The following JADE3 variants were observed in gnomAD, a reference collection of about 807,000 sequenced individuals.
JADE3 encodes jade family PHD finger 3, also known as protein Jade-3.
JADE3 carries 2 observed loss-of-function variants against 50.1 expected under a neutral mutation model. The ratio of observed to expected loss-of-function variants is 0.04; its 90% CI spans 0.02 to 0.13. The LOEUF (loss-of-function observed/expected upper bound fraction) is 0.13, where lower values mean the gene tolerates loss of function less well. Among genes scored for constraint, JADE3 ranks in the 10% least tolerant of loss-of-function variants. The pLI, the probability that JADE3 is intolerant of heterozygous loss-of-function variation, is 1.00. For missense variants in JADE3, 475 were observed against 634.4 expected (o/e 0.75, Z 2.70); for synonymous variants, 218 against 232.9 (o/e 0.94, Z 0.58).
At chrX:46,998,629 T>C (rs1602401551) in intron 4 of JADE3, among the ~76,000 whole-genome samples, 1 of 111,189 alleles carries the variant, frequency 9.0e-6, no homozygotes, top group East Asian at 2.8e-4. Context: ...ATAATGCCTG[T>C]CTTAGTCTGT....
At chrX:47,014,642 G>C (rs187212175) in intron 4 of JADE3, among the ~76,000 whole-genome samples, 8 of 111,383 alleles carry the variant, frequency 7.2e-5, no homozygotes, top group Non-Finnish European at 1.3e-4. Flanking sequence ...ATTTATTTTT[G>C]TGTAAATTTT....
chrX:47,037,960 C>T (rs1275338053), intron 7 of JADE3, among the ~76,000 whole-genome samples: 1 of 111,171 alleles, frequency 9.0e-6, no homozygotes, highest in Non-Finnish European at 1.9e-5. Flanking sequence ...CCTTCCCACC[C>T]TCTGGTAACC....
chrX:47,050,663 A>G (rs782105418), intron 8 of JADE3, among the ~76,000 whole-genome samples: 1 of 111,860 alleles, frequency 8.9e-6, no homozygotes, highest in Admixed American at 9.5e-5. Context: ...ATTATCTTTT[A>G]TTTTGAGTAA....
intron 3 of JADE3, among the ~76,000 whole-genome samples, chrX:46,992,012 G>C (rs920143852): frequency 1.8e-5 from 2 of 110,879 alleles, no homozygotes; most frequent in Non-Finnish European, 3.8e-5. Context: ...ACTGCCCCCT[G>C]TTCCCTCATT....
intron 1 of JADE3, among the ~76,000 whole-genome samples, chrX:46,920,026 G>A (rs945696034): frequency 3.6e-5 from 4 of 110,914 alleles, no homozygotes; most frequent in Non-Finnish European, 7.5e-5. Context: ...TTTGGAACAC[G>A]CATGACCAAG....
At chrX:47,040,899 C>T (rs1273196755) in intron 8 of JADE3, among the ~76,000 whole-genome samples, 2 of 111,996 alleles carry the variant, frequency 1.8e-5, no homozygotes, top group African/African-American at 6.5e-5. Flanking sequence ...CAATCTGGAC[C>T]CCCAAAGGCC....
At chrX:47,050,909 C>T (rs1929490422) in intron 8 of JADE3, among the ~76,000 whole-genome samples, 1 of 112,414 alleles carries the variant, frequency 8.9e-6, no homozygotes, top group Non-Finnish European at 1.9e-5. Flanking sequence ...TTTCAAACGT[C>T]TGACTAGTTT....
chrX:47,052,381 C>A (rs1556372401), intron 8 of JADE3, among the ~76,000 whole-genome samples: 1 of 110,049 alleles, frequency 9.1e-6, no homozygotes, highest in African/African-American at 3.3e-5. Context: ...CCTGTAATCC[C>A]AGCACTTTGG....
At chrX:46,987,100 A>T (rs1927880156) in intron 3 of JADE3, among the ~76,000 whole-genome samples, 1 of 111,952 alleles carries the variant, frequency 8.9e-6, no homozygotes, top group South Asian at 3.7e-4. Context: ...CTAGGGAAGA[A>T]TTTGCCACCA....
intron 4 of JADE3, among the ~76,000 whole-genome samples, chrX:47,006,931 C>T (rs1928440330): frequency 9.3e-6 from 1 of 107,991 alleles, no homozygotes; most frequent in African/African-American, 3.4e-5. Context: ...TGGAGGTTTT[C>T]TTGTTATCTT....
intron 3 of JADE3, among the ~76,000 whole-genome samples, chrX:46,988,688 A>G (rs1378178235): frequency 9.0e-6 from 1 of 111,692 alleles, no homozygotes; most frequent in Non-Finnish European, 1.9e-5. Context: ...GAAGAAAAGT[A>G]AAAGTTAAGT....
At chrX:47,002,111 G>A (rs1383324535) in intron 4 of JADE3, among the ~76,000 whole-genome samples, 1 of 110,948 alleles carries the variant, frequency 9.0e-6, no homozygotes, top group Non-Finnish European at 1.9e-5. Context: ...TTGTGATTTT[G>A]ATGAAGTTCA....
At chrX:47,015,445 G>A (rs1163729129) in intron 4 of JADE3, among the ~76,000 whole-genome samples, 2 of 109,357 alleles carry the variant, frequency 1.8e-5, no homozygotes, top group Admixed American at 2.0e-4. Flanking sequence ...TTAGCTGGGT[G>A]TGGTGGCTTA....
chrX:47,020,068 C>T (rs1928761561), intron 4 of JADE3, among the ~76,000 whole-genome samples: 1 of 111,850 alleles, frequency 8.9e-6, no homozygotes, highest in Non-Finnish European at 1.9e-5. Context: ...CGGTGGCTCA[C>T]GCCTGTAATC....
chrX:46,999,093 T>C (rs1205897625), intron 4 of JADE3, among the ~76,000 whole-genome samples: 9 of 110,950 alleles, frequency 8.1e-5, no homozygotes, highest in Admixed American at 7.8e-4. Context: ...TTTTATACTG[T>C]GTTATAACAT....
intron 1 of JADE3, among the ~76,000 whole-genome samples, chrX:46,970,495 G>A (rs1927461343): frequency 8.9e-6 from 1 of 111,836 alleles, no homozygotes; most frequent in Non-Finnish European, 1.9e-5. Flanking sequence ...AACAGTTTTA[G>A]GCTGTGATCA....
intron 8 of JADE3, among the ~76,000 whole-genome samples, chrX:47,042,518 A>T (rs1413421495): frequency 8.9e-6 from 1 of 111,948 alleles, no homozygotes; most frequent in Admixed American, 9.5e-5. Flanking sequence ...TCTTACTTTC[A>T]TTACTTGAGT....
intron 1 of JADE3, among the ~76,000 whole-genome samples, chrX:46,959,328 C>T (rs1450243170): frequency 5.3e-5 from 6 of 112,368 alleles, no homozygotes; most frequent in African/African-American, 1.6e-4. Context: ...GACTTGTCGA[C>T]CTAGCTTAGG....
At chrX:47,049,183 T>TTC (rs1556371321) in intron 8 of JADE3, among the ~76,000 whole-genome samples, 1 of 97,276 alleles carries the variant, frequency 1.0e-5, no homozygotes, top group African/African-American at 3.8e-5. Flanking sequence ...TTCTTCTTCT[T>TTC]TTTTTTTTTT....
Sources: gnomAD v4.1 joint callset for allele counts (sites outside exome capture counted in the v4.1 genomes callset) on GRCh38, gnomAD v4.1.1 for gene constraint, MANE v1.5 for transcripts, NCBI Gene and HGNC (gene_info 2026-07-23, HGNC 2026-07-21) for gene names.